The following GMDS variants were observed in gnomAD, a reference collection of about 807,000 sequenced individuals.
GMDS encodes the protein GDP-mannose 4,6 dehydratase.
In GMDS, 20 loss-of-function variants were observed where a neutral mutation model predicts 49.9. The observed-to-expected ratio is 0.40, with a 90% CI of 0.28 to 0.58. The LOEUF (loss-of-function observed/expected upper bound fraction) is 0.58. Among genes scored for constraint, GMDS ranks in the 20% least tolerant of loss-of-function variants. The pLI is 0.42. For missense variants in GMDS, 362 were observed against 481.4 expected (o/e 0.75, Z 2.32); for synonymous variants, 177 against 178.6 (o/e 0.99, Z 0.07).
At chr6:1,720,771 A>G (rs193076536) in intron 9 of GMDS, among the ~76,000 whole-genome samples, 160 of 152,296 alleles carry the variant, frequency 1.1e-3, no homozygotes, top group African/African-American at 3.5e-3. Context: ...AAAGAAGAGC[A>G]GGGGTGGAGG....
intron 7 of GMDS, among the ~76,000 whole-genome samples, chr6:1,793,195 A>C (rs1181079877): frequency 6.6e-6 from 1 of 152,158 alleles, no homozygotes; most frequent in East Asian, 1.9e-4. Flanking sequence ...GGGTCATGAT[A>C]CATTCCCCAA....
chr6:1,745,270 A>C (rs1767438836), intron 7 of GMDS, among the ~76,000 whole-genome samples: 1 of 152,210 alleles, frequency 6.6e-6, no homozygotes, highest in Non-Finnish European at 1.5e-5. Context: ...AGTCATGTGA[A>C]AGAAGACAAG....
chr6:1,767,141 C>T (rs1027278730), intron 7 of GMDS, among the ~76,000 whole-genome samples: 4 of 151,972 alleles, frequency 2.6e-5, no homozygotes, highest in Non-Finnish European at 4.4e-5. Flanking sequence ...TCTTCATATA[C>T]GAAATGTAAA....
chr6:1,996,904 C>G (rs1379334553), intron 4 of GMDS, among the ~76,000 whole-genome samples: 1 of 152,076 alleles, frequency 6.6e-6, no homozygotes, highest in African/African-American at 2.4e-5. Flanking sequence ...TTCCATACTA[C>G]CTAAACAGAT....
intron 9 of GMDS, among the ~76,000 whole-genome samples, chr6:1,660,061 C>A (rs1393819808): frequency 6.6e-6 from 1 of 151,892 alleles, no homozygotes; most frequent in Non-Finnish European, 1.5e-5. Context: ...CAGCCGCGGA[C>A]CTGCTTGTGT....
intron 9 of GMDS, among the ~76,000 whole-genome samples, chr6:1,656,323 T>C (rs1397363222): frequency 6.6e-6 from 1 of 152,192 alleles, no homozygotes; most frequent in Non-Finnish European, 1.5e-5. Context: ...CCTCTTTCTT[T>C]TTCACGCTGT....
At chr6:1,625,512 C>T (rs1369986873) in intron 9 of GMDS, 1 of 152,274 alleles carries the variant, frequency 6.6e-6, no homozygotes, top group Non-Finnish European at 1.5e-5. Flanking sequence ...AAGGGCATTT[C>T]ATCTCCATCG....
At chr6:1,991,712 G>A (rs1765950613) in intron 4 of GMDS, among the ~76,000 whole-genome samples, 2 of 152,156 alleles carry the variant, frequency 1.3e-5, no homozygotes, top group Admixed American at 1.3e-4. Context: ...GTGTGGGATT[G>A]AACAGTGTCC....
intron 4 of GMDS, among the ~76,000 whole-genome samples, chr6:2,080,481 T>C: frequency 6.6e-6 from 1 of 152,210 alleles, no homozygotes; most frequent in East Asian, 1.9e-4. Context: ...GAGGGCATTG[T>C]TTTGAACATG....
In GMDS at chr6:1,854,564, C is replaced by T. The variant is rs549076237; in HGVS notation, c.771+75539G>A. ...TGTCACAACTGGGGCTGTCTGGGTG[C>T]TTCTAGCAGGCAGAGCTCAGGGACA... On this transcript the variant is annotated intron_variant, in intron 7 of 10. Transcript: ENST00000380815. Among the ~76,000 whole-genome samples, 20 of 152,320 alleles carry T rather than the reference C, an allele frequency of 1.3e-4. 1 individual carries two copies. Among genetic ancestry groups the T allele is most frequent in the African/African-American group, 4.8e-4 (20 of 41,566 alleles).
chr6:1,638,266 C>A (rs1763224324), intron 9 of GMDS, among the ~76,000 whole-genome samples: 3 of 152,136 alleles, frequency 2.0e-5, no homozygotes, highest in Admixed American at 2.0e-4. Flanking sequence ...AAGCCTGATG[C>A]CGCCCTGGGT....
At chr6:2,151,657 C>CA (rs1776850166) in intron 1 of GMDS, among the ~76,000 whole-genome samples, 1 of 151,954 alleles carries the variant, frequency 6.6e-6, no homozygotes, top group Non-Finnish European at 1.5e-5. Flanking sequence ...ACAAAATATG[C>CA]AAAAAACCTA....
intron 10 of GMDS, 28 bp from the exon 11 acceptor site, chr6:1,624,259 G>A: frequency 1.2e-6 from 2 of 1,604,596 alleles, no homozygotes; most frequent in Non-Finnish European, 1.7e-6. Flanking sequence ...GCGTGAGGGA[G>A]GAGCTTCTGC....
chr6:2,213,999 G>C (rs967432622), intron 1 of GMDS, among the ~76,000 whole-genome samples: 1 of 152,124 alleles, frequency 6.6e-6, no homozygotes, highest in Non-Finnish European at 1.5e-5. Flanking sequence ...TTCCAGATCT[G>C]GTGCAGGAAA....
At chr6:2,198,910 C>T (rs1287003895) in intron 1 of GMDS, among the ~76,000 whole-genome samples, 1 of 146,392 alleles carries the variant, frequency 6.8e-6, no homozygotes, top group Non-Finnish European at 1.5e-5. Context: ...AGAAAACAGA[C>T]CATTCATAAA....
intron 4 of GMDS, among the ~76,000 whole-genome samples, chr6:2,106,803 C>T (rs6921994): frequency 0.2 from 29,628 of 150,226 alleles, 3,415 homozygotes; most frequent in Non-Finnish European, 0.24. Flanking sequence ...ACAGAGATTG[C>T]AGTGAGCCAA....
At chr6:1,671,987 A>C (rs1312763659) in intron 9 of GMDS, among the ~76,000 whole-genome samples, 1 of 152,112 alleles carries the variant, frequency 6.6e-6, no homozygotes, top group Non-Finnish European at 1.5e-5. Flanking sequence ...TTCTGCCATT[A>C]CTTTTAGTGG....
intron 1 of GMDS, among the ~76,000 whole-genome samples, chr6:2,237,451 G>A (rs1781413854): frequency 6.6e-6 from 1 of 151,044 alleles, no homozygotes. Context: ...GGAAGTGTGA[G>A]ATTCCCAAAA....
chr6:1,697,002 T>C (rs1382110844), intron 9 of GMDS, among the ~76,000 whole-genome samples: 3 of 152,178 alleles, frequency 2.0e-5, no homozygotes, highest in Admixed American at 1.3e-4. Context: ...TGGGCTGCAG[T>C]GAGAAGAAAA....
Sources: allele counts gnomAD v4.1 joint callset (sites outside exome capture counted in the v4.1 genomes callset), GRCh38; gene constraint gnomAD v4.1.1; transcripts MANE v1.5; gene names NCBI Gene and HGNC (gene_info 2026-07-23, HGNC 2026-07-21).